Variants in CPNE9 observed in about 807,000 individuals in gnomAD.
CPNE9 encodes the protein copine-9.
Under a neutral mutation model 83.0 loss-of-function variants are expected in CPNE9, and 59 were observed. That is an observed-to-expected ratio of 0.71 (90% confidence interval 0.58 to 0.88). The LOEUF (loss-of-function observed/expected upper bound fraction) is 0.88. Ranked by LOEUF, CPNE9 falls within the 40% of genes least tolerant of loss-of-function variation. The probability of loss-of-function intolerance (pLI) is 0.00; values close to 1 mark genes in which losing one functional copy is unlikely to be tolerated. For synonymous variants in CPNE9, 256 were observed against 273.4 expected (o/e 0.94, Z 0.63); for missense variants, 619 against 720.8 (o/e 0.86, Z 1.62).
Position 9,705,508 on chromosome 3 carries a change from A to G in CPNE9, c.297+8A>G, listed in dbSNP as rs2125458800. 6.2e-7 allele frequency: 1 copy of G among 1,601,702 alleles called. No individual in the cohort carries two copies. The highest frequency in any genetic ancestry group is 1.1e-5 in the South Asian group (1 of 89,538). Reference sequence around the variant, plus strand: ...ACCAACATCTCCAAACCGGTGAGCAAACGTTTCCTCGAGGGTTGGCGGAGC... The same window carrying G: ...ACCAACATCTCCAAACCGGTGAGCAGACGTTTCCTCGAGGGTTGGCGGAGC... On this transcript the variant is annotated splice_region_variant and intron_variant, in intron 5 of 20. Transcript: ENST00000383832.
chr3:9,717,635 T>A (rs1218520132), intron 15 of CPNE9, among the ~76,000 whole-genome samples: 2 of 151,674 alleles, frequency 1.3e-5, no homozygotes, highest in Non-Finnish European at 2.9e-5. Context: ...TATAGATGGG[T>A]GGAAAATGAA....
Position 9,715,960 on chromosome 3 carries a change from A to G in CPNE9, c.823-14A>G, listed in dbSNP as rs1430348687. On this transcript the variant is annotated splice_polypyrimidine_tract_variant and intron_variant, in intron 13 of 20. Coordinates refer to ENST00000383832, the MANE Select transcript of CPNE9 (RefSeq NM_153635.3). The stretch of plus-strand genomic sequence containing the variant: ...CTTTTCCAAAGTGCCAGGGCTGCCT[A>G]TTCTGTCCCACAGGTGACGCTGCTC... 2 of 1,609,716 alleles carry G rather than the reference A, an allele frequency of 1.2e-6. No homozygotes were observed. Among genetic ancestry groups the G allele is most frequent in the African/African-American group, 1.3e-5 (1 of 74,896 alleles).
chr3:9,705,125 C>T (rs965408449), intron 4 of CPNE9, 131 bp downstream of exon 4: 30 of 721,232 alleles, frequency 4.2e-5, no homozygotes, highest in Non-Finnish European at 6.2e-5. Flanking sequence ...TCTGAATGGC[C>T]CCCTCTAGCC....
chr3:9,717,510 G>A (rs1575126528), intron 15 of CPNE9, among the ~76,000 whole-genome samples: 2 of 152,168 alleles, frequency 1.3e-5, no homozygotes, highest in Non-Finnish European at 2.9e-5. Context: ...TTAAGTTGGG[G>A]AAATAACAAG....
chr3:9,705,897 G>T (rs2076559430), intron 6 of CPNE9, 90 bp from the exon 7 acceptor site: 1 of 1,460,552 alleles, frequency 6.8e-7, no homozygotes, highest in Non-Finnish European at 9.5e-7. Context: ...CCTGGGAACT[G>T]CCCTGGTCCT....
chr3:9,720,610 T>G lies in CPNE9; in HGVS notation c.1241+2008T>G, dbSNP rs767048727. On this transcript the variant is annotated intron_variant, in intron 17 of 20. Transcript: ENST00000383832. Reference sequence around the variant, plus strand: ...CTGAATACTGCCCATGGAATGTGGATGTATATACAGTTCTTTTCCTTATGT... The same window carrying G: ...CTGAATACTGCCCATGGAATGTGGAGGTATATACAGTTCTTTTCCTTATGT... Among the ~76,000 whole-genome samples the G allele has an allele frequency of 3.0e-4, 45 of 152,218 alleles. 1 individual carries two copies. The highest frequency in any genetic ancestry group is 4.4e-5 in the Non-Finnish European group (3 of 68,038).
intron 10 of CPNE9, among the ~76,000 whole-genome samples, 158 bp downstream of exon 10, chr3:9,713,237 G>A (rs1203871145): frequency 6.6e-6 from 1 of 152,210 alleles, no homozygotes; most frequent in Non-Finnish European, 1.5e-5. Context: ...ACAGGCAGAT[G>A]GATAGCCACA....
chr3:9,715,880 A>T (rs2076678826), intron 13 of CPNE9, 94 bp from the exon 14 acceptor site: 2 of 1,052,094 alleles, frequency 1.9e-6, no homozygotes, highest in Non-Finnish European at 2.9e-6. Flanking sequence ...GCCTCCCATC[A>T]CGTGCCTCTT....
intron 10 of CPNE9, among the ~76,000 whole-genome samples, chr3:9,714,289 T>G (rs900384298): frequency 1.3e-5 from 2 of 152,096 alleles, no homozygotes; most frequent in African/African-American, 4.8e-5. Context: ...GCTAAAGAGA[T>G]GAACTGATAG....
At position 9,706,025 on chromosome 3, in the gene CPNE9, G is replaced by A; in HGVS notation, c.339G>A (p.Val113=). ...LGQAFLALGE[V]IGGQGSRVER... is the part of the protein sequence containing the mutation. ...AAGCGTTCCTGGCCCTGGGAGAGGT[G>A]ATTGGAGGCCAGGGCAGCCGAGTAG... is the stretch of plus-strand genomic sequence containing the variant. The change falls in exon 7 of 21, where the codon GTG becomes GTA. Residue 113 remains valine, a synonymous_variant. Coordinates refer to ENST00000383832, the MANE Select transcript of CPNE9 (RefSeq NM_153635.3). The A allele has an allele frequency of 5.6e-6, 9 of 1,613,682 alleles. No individual in the cohort carries two copies. Among genetic ancestry groups the A allele is most frequent in the Non-Finnish European group, 7.6e-6 (9 of 1,179,996 alleles).
intron 10 of CPNE9, 140 bp downstream of exon 10, chr3:9,713,219 G>C: frequency 1.5e-6 from 1 of 663,102 alleles, no homozygotes; most frequent in Non-Finnish European, 2.6e-6. Flanking sequence ...ATGAGGTTGG[G>C]TGGATGGACA....
At chr3:9,719,634 G>C (rs1347279869) in intron 17 of CPNE9, among the ~76,000 whole-genome samples, 1 of 152,090 alleles carries the variant, frequency 6.6e-6, no homozygotes, top group African/African-American at 2.4e-5. Flanking sequence ...TCTGGCCCAT[G>C]GTACATGCTC....
intron 7 of CPNE9, among the ~76,000 whole-genome samples, chr3:9,710,141 C>T (rs2076612372): frequency 6.6e-6 from 1 of 151,724 alleles, no homozygotes; most frequent in South Asian, 2.1e-4. Flanking sequence ...AGTGAGACTC[C>T]ATCTCTACAA....
Position 9,718,172 on chromosome 3 carries a change from C to G in CPNE9, c.1075C>G (p.Leu359Val), listed in dbSNP as rs367654683. 2.1e-5 allele frequency: 34 copies of G among 1,613,802 alleles called. No individual in the cohort carries two copies. Among genetic ancestry groups the G allele is most frequent in the Non-Finnish European group, 2.8e-5 (33 of 1,179,776 alleles). ...LFPAYGFGAK[L>V]PPEGRISHQF... ...CCCAGCTTATGGCTTTGGGGCCAAG[C>G]TGCCCCCAGAGGGACGGATCTCCCA... Residue 359 changes from leucine (L) to valine (V), a missense_variant, in exon 16 of 21, where the codon CTG becomes GTG. Coordinates refer to ENST00000383832, the MANE Select transcript of CPNE9 (RefSeq NM_153635.3).
chr3:9,727,669 T>C (rs1053172853), intron 20 of CPNE9, among the ~76,000 whole-genome samples: 3 of 152,040 alleles, frequency 2.0e-5, no homozygotes, highest in Non-Finnish European at 4.4e-5. Flanking sequence ...GAAGCTAGGG[T>C]AGCAGGATCA....
chr3:9,709,811 G>A (rs563879651), intron 7 of CPNE9, among the ~76,000 whole-genome samples: 18 of 151,780 alleles, frequency 1.2e-4, no homozygotes, highest in East Asian at 7.9e-4. Context: ...CCAACATGGC[G>A]AAACTCTGTC....
chr3:9,726,402 A>G (rs1238650220), intron 18 of CPNE9, among the ~76,000 whole-genome samples: 1 of 152,182 alleles, frequency 6.6e-6, no homozygotes, highest in Admixed American at 6.5e-5. Flanking sequence ...TTTGTTCCAA[A>G]GGTCTCCAGG....
chr3:9,712,964 C>G lies in CPNE9; in HGVS notation c.546-11C>G. On this transcript the variant is annotated splice_polypyrimidine_tract_variant and intron_variant, in intron 9 of 20. Transcript: ENST00000383832. ...AGATAAATTATACCAATTCTTCCCA[C>G]TCCCCTCCAGGTTCACCATCTGCCA... 1.9e-6 allele frequency: 3 copies of G among 1,610,252 alleles called. No homozygotes were observed. The highest frequency in any genetic ancestry group is 2.5e-6 in the Non-Finnish European group (3 of 1,176,478).
rs2076810498 is a variant in CPNE9, at chr3:9,729,503, C to T, written c.1477-4C>T. ...TTATCTCTTCTTGTCTGTGCCTGAC[C>T]CAGTTCGTCCCATTCCGAGACTATG... On this transcript the variant is annotated splice_polypyrimidine_tract_variant and splice_region_variant and intron_variant, in intron 20 of 20. Coordinates refer to ENST00000383832, the MANE Select transcript of CPNE9 (RefSeq NM_153635.3). 5 of 1,608,490 alleles carry T rather than the reference C, an allele frequency of 3.1e-6. No homozygotes were observed. Among genetic ancestry groups the T allele is most frequent in the African/African-American group, 1.3e-5 (1 of 74,828 alleles).
Sources: gnomAD v4.1 joint callset for allele counts (sites outside exome capture counted in the v4.1 genomes callset) on GRCh38, gnomAD v4.1.1 for gene constraint, MANE v1.5 for transcripts, NCBI Gene and HGNC (gene_info 2026-07-23, HGNC 2026-07-21) for gene names.